PTBP2: variants seen among roughly 807,000 people sequenced by gnomAD.
PTBP2 encodes polypyrimidine tract binding protein 2.
Under a neutral mutation model 61.4 loss-of-function variants are expected in PTBP2, and 13 were observed. The ratio of observed to expected loss-of-function variants is 0.21; its 90% CI spans 0.14 to 0.34. The LOEUF is 0.34. PTBP2 is among the 10% of genes least tolerant of loss of function. The pLI, the probability that PTBP2 is intolerant of heterozygous loss-of-function variation, is 1.00. For synonymous variants in PTBP2, 215 were observed against 218.5 expected (o/e 0.98, Z 0.14); for missense variants, 405 against 642.6 (o/e 0.63, Z 4.00).
At chr1:96,763,936 A>G (rs1489281732) in intron 3 of PTBP2, among the ~76,000 whole-genome samples, 1 of 152,224 alleles carries the variant, frequency 6.6e-6, no homozygotes, top group Non-Finnish European at 1.5e-5. Flanking sequence ...TGCCTGGAAA[A>G]ATACTCCATG....
At chr1:96,793,778 T>C (rs1420566856) in intron 8 of PTBP2, among the ~76,000 whole-genome samples, 1 of 152,174 alleles carries the variant, frequency 6.6e-6, no homozygotes, top group African/African-American at 2.4e-5. Flanking sequence ...CCATTATAAA[T>C]AATATTTGAA....
intron 8 of PTBP2, among the ~76,000 whole-genome samples, chr1:96,785,842 C>T (rs1359389138): frequency 1.3e-5 from 2 of 151,976 alleles, no homozygotes; most frequent in Non-Finnish European, 2.9e-5. Context: ...TTACTTTGTA[C>T]CACAATGGAC....
chr1:96,758,293 A>G (rs1655391014), intron 3 of PTBP2, among the ~76,000 whole-genome samples: 1 of 152,024 alleles, frequency 6.6e-6, no homozygotes, highest in Non-Finnish European at 1.5e-5. Flanking sequence ...AAATCTTTCC[A>G]CAAAGATTAC....
At chr1:96,785,457 T>TA (rs1659113374) in intron 8 of PTBP2, among the ~76,000 whole-genome samples, 1 of 152,218 alleles carries the variant, frequency 6.6e-6, no homozygotes. Context: ...AATTATATGT[T>TA]AGTTTTGTTC....
intron 8 of PTBP2, among the ~76,000 whole-genome samples, chr1:96,799,060 T>C (rs1202685475): frequency 2.0e-5 from 3 of 152,134 alleles, no homozygotes; most frequent in African/African-American, 4.8e-5. Context: ...GTCATATACA[T>C]GACTGGGCAT....
intron 2 of PTBP2, among the ~76,000 whole-genome samples, chr1:96,746,701 T>TG (rs1051790061): frequency 2.0e-4 from 20 of 97,794 alleles, no homozygotes; most frequent in East Asian, 9.1e-4. Context: ...AGACTTTGTC[T>TG]GAAAAAAAAA....
downstream of PTBP2, chr1:96,818,887 T>A (rs1662578617): frequency 1.3e-5 from 2 of 152,048 alleles, no homozygotes; most frequent in South Asian, 4.1e-4. Flanking sequence ...GTAACTTACC[T>A]GTAGTTAGAA....
chr1:96,727,157 A>G (rs924075402), intron 2 of PTBP2, among the ~76,000 whole-genome samples: 1 of 152,172 alleles, frequency 6.6e-6, no homozygotes, highest in Non-Finnish European at 1.5e-5. Context: ...ATCATATGGT[A>G]TGTACATTTT....
intron 5 of PTBP2, among the ~76,000 whole-genome samples, chr1:96,773,278 G>C (rs1657606948): frequency 6.6e-6 from 1 of 152,010 alleles, no homozygotes; most frequent in Non-Finnish European, 1.5e-5. Flanking sequence ...ACTTATTCCA[G>C]ACAGAAGGAA....
intron 8 of PTBP2, among the ~76,000 whole-genome samples, chr1:96,796,627 C>T (rs1416263469): frequency 6.6e-6 from 1 of 152,038 alleles, no homozygotes; most frequent in African/African-American, 2.4e-5. Context: ...TGTGTGTTTT[C>T]ACTCTAGTAT....
chr1:96,768,297 C>G (rs1384596775), intron 3 of PTBP2, among the ~76,000 whole-genome samples: 5 of 151,980 alleles, frequency 3.3e-5, no homozygotes, highest in Admixed American at 1.3e-4. Context: ...TCCCTGAATA[C>G]CCAGTAAATG....
chr1:96,801,114 A>C (rs1398723977), intron 8 of PTBP2, among the ~76,000 whole-genome samples: 1 of 152,162 alleles, frequency 6.6e-6, no homozygotes, highest in African/African-American at 2.4e-5. Context: ...TGGTATGTTT[A>C]GATCAATACT....
chr1:96,775,689 TTG>T (rs201814351), intron 5 of PTBP2, among the ~76,000 whole-genome samples: 4 of 152,108 alleles, frequency 2.6e-5, no homozygotes, highest in Admixed American at 6.5e-5. Flanking sequence ...TTGTGTCCTT[TTG>T]TGTGTGTGTG....
At chr1:96,742,762 CT>C (rs968707848) in intron 2 of PTBP2, among the ~76,000 whole-genome samples, 2 of 148,986 alleles carry the variant, frequency 1.3e-5, no homozygotes, top group African/African-American at 5.0e-5. Context: ...ATATAATACA[CT>C]TTTTTCTGTT....
intron 8 of PTBP2, among the ~76,000 whole-genome samples, chr1:96,791,565 T>C (rs976351185): frequency 6.6e-6 from 1 of 152,172 alleles, no homozygotes; most frequent in African/African-American, 2.4e-5. Flanking sequence ...AGTAGACTTT[T>C]CTAAAACGAA....
At chr1:96,797,412 C>A (rs963226456) in intron 8 of PTBP2, among the ~76,000 whole-genome samples, 39 of 152,096 alleles carry the variant, frequency 2.6e-4, no homozygotes, top group African/African-American at 9.2e-4. Flanking sequence ...TTCCATAGGG[C>A]AAAATAAGAA....
intron 2 of PTBP2, among the ~76,000 whole-genome samples, chr1:96,744,403 T>C (rs1323926247): frequency 6.6e-6 from 1 of 152,184 alleles, no homozygotes; most frequent in African/African-American, 2.4e-5. Flanking sequence ...AGAAAGATTA[T>C]AGTCCATGAG....
Position 96,727,982 on chromosome 1 carries a change from TTAA to T in PTBP2, c.39+4402_39+4404del, listed in dbSNP as rs969468718. On this transcript the variant is annotated intron_variant, in intron 2 of 13. Coordinates refer to ENST00000674951, the MANE Select transcript of PTBP2 (RefSeq NM_021190.4). ...ATGAAGATTTTTTTCCTTTTGTTTGTTAATAATAATAATAATTTTTTTTTAGAG... is the reference window on the plus strand; with the variant it reads ...ATGAAGATTTTTTTCCTTTTGTTTGTTAATAATAATAATTTTTTTTTAGAG... 2.8e-4 allele frequency among the ~76,000 whole-genome samples: 42 copies of T among 152,186 alleles called. No homozygotes were observed. The South Asian group carries it at 4.8e-3, about 17-fold the overall frequency.
intron 3 of PTBP2, among the ~76,000 whole-genome samples, chr1:96,761,290 T>C (rs532595646): frequency 4.6e-5 from 7 of 151,830 alleles, no homozygotes; most frequent in South Asian, 2.1e-4. Flanking sequence ...ATGAGAAATA[T>C]GAGATTGGGA....
Sources: gnomAD v4.1 joint callset for allele counts (sites outside exome capture counted in the v4.1 genomes callset) on GRCh38, gnomAD v4.1.1 for gene constraint, MANE v1.5 for transcripts, NCBI Gene and HGNC (gene_info 2026-07-23, HGNC 2026-07-21) for gene names.